The following SMTN variants were observed in gnomAD, a reference collection of about 807,000 sequenced individuals.
The protein encoded by SMTN is smoothelin.
In SMTN, 58 loss-of-function variants were observed where a neutral mutation model predicts 102.0. The observed-to-expected ratio is 0.57, with a 90% CI of 0.46 to 0.71. The LOEUF (loss-of-function observed/expected upper bound fraction) is 0.71, where lower values mean the gene tolerates loss of function less well. Among genes scored for constraint, SMTN ranks in the 30% least tolerant of loss-of-function variants. The pLI, the probability that SMTN is intolerant of heterozygous loss-of-function variation, is 0.00. For missense variants in SMTN, 1,185 were observed against 1,241.7 expected, an observed-to-expected ratio of 0.95 and a Z score of 0.69; for synonymous variants, 478 against 497.9, an observed-to-expected ratio of 0.96 and a Z score of 0.53.
chr22:31,097,297 C>G lies in SMTN; in HGVS notation c.2118C>G (p.Thr706=), dbSNP rs747073953. ...GCAGTGGCAGCACCATGATGCAAAC[C>G]AAGACCTTCTCCTCTTCCTCCTCAT... is the stretch of plus-strand genomic sequence containing the variant. ...ENGSGSTMMQ[T]KTFSSSSSSK... is the part of the protein sequence containing the mutation. The change falls in exon 16 of 21, where the codon ACC becomes ACG. Residue 706 remains threonine (T), a synonymous_variant. Coordinates refer to ENST00000333137, the MANE Select transcript of SMTN (RefSeq NM_134269.3). The G allele has an allele frequency of 1.2e-6, 2 of 1,614,168 alleles. No homozygotes were observed. Among genetic ancestry groups the G allele is most frequent in the South Asian group, 2.2e-5 (2 of 91,070 alleles).
chr22:31,093,957 C>A, intron 11 of SMTN: 1 of 913,386 alleles, frequency 1.1e-6, no homozygotes, highest in Non-Finnish European at 1.6e-6. Flanking sequence ...TCACCACCTT[C>A]TCTGAGCCTC....
intron 19 of SMTN, 119 bp from the exon 20 acceptor site, chr22:31,100,766 G>A: frequency 4.8e-6 from 3 of 627,386 alleles, no homozygotes; most frequent in Non-Finnish European, 8.7e-6. Context: ...GTGTGTGTAT[G>A]TGTGTGTGTC....
intron 1 of SMTN, among the ~76,000 whole-genome samples, chr22:31,071,999 T>C (rs1223222566): frequency 2.0e-5 from 3 of 152,128 alleles, no homozygotes; most frequent in African/African-American, 7.2e-5. Context: ...CTTAGCCATA[T>C]TGCCATCTCT....
chr22:31,082,883 C>A, intron 1 of SMTN: 1 of 1,544,784 alleles, frequency 6.5e-7, no homozygotes, highest in Non-Finnish European at 8.7e-7. Context: ...GCTTCTCAAT[C>A]CAGGTCCCTG....
chr22:31,088,380 C>A, intron 3 of SMTN, 133 bp from the exon 4 acceptor site: 1 of 821,248 alleles, frequency 1.2e-6, no homozygotes, highest in Non-Finnish European at 2.0e-6. Flanking sequence ...TATCAGTGTG[C>A]AGTTAGAGGG....
chr22:31,101,961 G>A (rs530179783), intron 20 of SMTN: 9 of 152,232 alleles, frequency 5.9e-5, no homozygotes, highest in Admixed American at 5.2e-4. Context: ...AGAGAGACAG[G>A]CTTCCCAATA....
intron 2 of SMTN, chr22:31,087,733 TCA>T (rs2042799943): frequency 2.5e-6 from 1 of 406,872 alleles, no homozygotes; most frequent in Non-Finnish European, 4.3e-6. Flanking sequence ...GGCTGTCCAC[TCA>T]CAGTTGTGTG....
chr22:31,064,247 A>T (rs1370249066), intron 1 of SMTN: 4 of 152,176 alleles, frequency 2.6e-5, no homozygotes, highest in Non-Finnish European at 4.4e-5. Context: ...GCCCTAATAG[A>T]TGCGCACAAA....
chr22:31,074,507 G>C (rs1207375997), intron 1 of SMTN, among the ~76,000 whole-genome samples: 1 of 150,374 alleles, frequency 6.7e-6, no homozygotes, highest in African/African-American at 2.4e-5. Flanking sequence ...ACAGGTGCTG[G>C]GGCTGGGCAT....
chr22:31,070,146 A>C (rs2147470496), intron 1 of SMTN, among the ~76,000 whole-genome samples: 1 of 152,074 alleles, frequency 6.6e-6, no homozygotes, highest in South Asian at 2.1e-4. Flanking sequence ...TAGCTCAAAA[A>C]CCTTCCATGG....
chr22:31,068,591 A>C lies in SMTN; in HGVS notation c.-386+4404A>C, dbSNP rs556397821. Among the ~76,000 whole-genome samples the C allele has an allele frequency of 4.6e-5, 7 of 152,280 alleles. No homozygotes were observed. In the East Asian group the frequency reaches 1.4e-3, roughly 29 times the overall value. Reference sequence around the variant, plus strand: ...CCCACCCATGCTGGCTGGCTGACCAAGGGGTCACATGCATCCTTCAGGGAA... The same window carrying C: ...CCCACCCATGCTGGCTGGCTGACCACGGGGTCACATGCATCCTTCAGGGAA... On this transcript the variant is annotated intron_variant, in intron 1 of 3. Coordinates refer to the SMTN transcript ENST00000422839.
chr22:31,104,275 G>T, intron 20 of SMTN, 41 bp from the exon 21 acceptor site: 1 of 1,604,194 alleles, frequency 6.2e-7, no homozygotes. Flanking sequence ...ACGAGAGGCG[G>T]GTCTGGCGCT....
chr22:31,089,770 C>T lies in SMTN; in HGVS notation c.543C>T (p.Ser181=). ...SKPTPTPEGT[S]QDVTTVTLLL... ...CAACCCCCACCCCTGAAGGCACCAG[C>T]CAGGATGTGACCACAGTGACACTCC... The change falls in exon 7 of 21, where the codon AGC becomes AGT. Residue 181 remains serine, a synonymous_variant. Transcript: ENST00000333137. 6.2e-7 allele frequency: 1 copy of T among 1,612,506 alleles called. No individual in the cohort carries two copies.
rs754534051 is a variant in SMTN, at chr22:31,088,122, CG to C, written c.200+15del. On this transcript the variant is annotated intron_variant, in intron 3 of 20. Transcript: ENST00000333137. ...AAGGAGAACTGGCTGCAGTGAGTAGCGGGGGGTGGAACATGCGGGTGAGAAG... is the reference window on the plus strand; with the variant it reads ...AAGGAGAACTGGCTGCAGTGAGTAGCGGGGGTGGAACATGCGGGTGAGAAG... 26 of 1,586,602 alleles carry C rather than the reference CG, an allele frequency of 1.6e-5. No homozygotes were observed. Among genetic ancestry groups the C allele is most frequent in the Non-Finnish European group, 2.2e-5 (26 of 1,162,054 alleles).
Position 31,090,803 on chromosome 22 carries a change from G to C in SMTN, c.866-5G>C, listed in dbSNP as rs1224196920. On this transcript the variant is annotated splice_region_variant and splice_polypyrimidine_tract_variant and intron_variant, in intron 8 of 20. Transcript: ENST00000333137. Reference sequence around the variant, plus strand: ...ATGGCCATCACCCCCTCCCCAACCTGCCAGACGTGGCTGGACCCCGACCCT... The same window carrying C: ...ATGGCCATCACCCCCTCCCCAACCTCCCAGACGTGGCTGGACCCCGACCCT... 1.2e-6 allele frequency: 2 copies of C among 1,612,450 alleles called. No individual in the cohort carries two copies. Among genetic ancestry groups the C allele is most frequent in the Non-Finnish European group, 1.7e-6 (2 of 1,178,718 alleles).
chr22:31,067,699 C>A (rs1466667044), intron 1 of SMTN: 1 of 151,904 alleles, frequency 6.6e-6, no homozygotes. Context: ...GGACTACAGG[C>A]GCCTGCCACC....
At chr22:31,100,798 T>C in intron 19 of SMTN, 87 bp from the exon 20 acceptor site, 1 of 679,950 alleles carries the variant, frequency 1.5e-6, no homozygotes, top group East Asian at 2.8e-5. Flanking sequence ...CCCTCTCTCT[T>C]CTCTGCCTCT....
At chr22:31,092,610 CAG>C (rs1284525723) in intron 11 of SMTN, 3 of 459,900 alleles carry the variant, frequency 6.5e-6, no homozygotes, top group Non-Finnish European at 9.2e-6. Flanking sequence ...TGGGCCTTCT[CAG>C]GGGAGACAGG....
chr22:31,071,618 A>G (rs1181420218), intron 1 of SMTN, among the ~76,000 whole-genome samples: 1 of 152,110 alleles, frequency 6.6e-6, no homozygotes. Context: ...CCCTGTCTCA[A>G]AAAATTAAAA....
Sources: gnomAD v4.1 joint callset for allele counts (sites outside exome capture counted in the v4.1 genomes callset) on GRCh38, gnomAD v4.1.1 for gene constraint, MANE v1.5 for transcripts, NCBI Gene and HGNC (gene_info 2026-07-23, HGNC 2026-07-21) for gene names.